The following THSD7B variants were observed in gnomAD, a reference collection of about 807,000 sequenced individuals.
THSD7B encodes the protein thrombospondin type 1 domain containing 7B.
A neutral mutation model predicts 213.6 loss-of-function variants in THSD7B; 138 were observed. The ratio of observed to expected loss-of-function variants is 0.65; its 90% confidence interval spans 0.56 to 0.74. THSD7B has a LOEUF of 0.74. Among genes scored for constraint, THSD7B ranks in the 30% least tolerant of loss-of-function variants. The probability of loss-of-function intolerance (pLI) is 0.00; values close to 1 mark genes in which losing one functional copy is unlikely to be tolerated. For missense variants in THSD7B, 1,931 were observed against 1,991.5 expected (o/e 0.97, Z 0.58); for synonymous variants, 742 against 687.0 (o/e 1.08, Z -1.25).
chr2:137,544,330 A>C (rs1194476423), intron 15 of THSD7B, among the ~76,000 whole-genome samples: 1 of 151,836 alleles, frequency 6.6e-6, no homozygotes, highest in Admixed American at 6.6e-5. Flanking sequence ...GCTAAATGAA[A>C]GTAGCCAAAA....
At chr2:137,305,227 A>G (rs2104852186) in intron 12 of THSD7B, among the ~76,000 whole-genome samples, 1 of 152,272 alleles carries the variant, frequency 6.6e-6, no homozygotes, top group Middle Eastern at 3.4e-3. Context: ...TCTTATGCCA[A>G]TCAGGCACTC....
chr2:137,569,416 A>G (rs1003958583), intron 16 of THSD7B, among the ~76,000 whole-genome samples: 6 of 152,180 alleles, frequency 3.9e-5, no homozygotes, highest in African/African-American at 1.4e-4. Flanking sequence ...TCTCTAGTCC[A>G]AAGACCCTTT....
intron 5 of THSD7B, among the ~76,000 whole-genome samples, chr2:137,144,371 TC>T (rs1679649974): frequency 6.6e-6 from 1 of 152,130 alleles, no homozygotes; most frequent in African/African-American, 2.4e-5. Flanking sequence ...AGAATTGAAT[TC>T]ATATAACCAC....
chr2:137,374,786 G>A (rs545861626), intron 12 of THSD7B, among the ~76,000 whole-genome samples: 33 of 152,280 alleles, frequency 2.2e-4, no homozygotes, highest in African/African-American at 7.7e-4. Flanking sequence ...ATGTGTTCAT[G>A]GAGTATTAGG....
At chr2:137,367,074 T>G (rs2104944481) in intron 12 of THSD7B, among the ~76,000 whole-genome samples, 1 of 152,190 alleles carries the variant, frequency 6.6e-6, no homozygotes, top group African/African-American at 2.4e-5. Flanking sequence ...AAATGAATGG[T>G]TGCTTTTTTT....
At chr2:137,189,678 G>C (rs1246932834) in intron 7 of THSD7B, among the ~76,000 whole-genome samples, 3 of 151,782 alleles carry the variant, frequency 2.0e-5, no homozygotes, top group African/African-American at 7.3e-5. Context: ...ACCATGCTCT[G>C]CATTGCATGT....
chr2:137,308,865 C>T (rs1222952308), intron 12 of THSD7B, among the ~76,000 whole-genome samples: 7 of 151,964 alleles, frequency 4.6e-5, no homozygotes, highest in Non-Finnish European at 8.8e-5. Context: ...TCTTAAAGTC[C>T]TTATTTATTG....
chr2:136,942,890 G>T (rs1338076351), intron 2 of THSD7B, among the ~76,000 whole-genome samples: 1 of 152,202 alleles, frequency 6.6e-6, no homozygotes, highest in Non-Finnish European at 1.5e-5. Flanking sequence ...ACACTGTGTT[G>T]AATAGGAGTG....
chr2:137,269,284 T>C (rs930865086), intron 10 of THSD7B, among the ~76,000 whole-genome samples: 3 of 152,356 alleles, frequency 2.0e-5, no homozygotes, highest in Non-Finnish European at 2.9e-5. Context: ...CTGTAGGGCA[T>C]GAAAATCAAT....
At chr2:137,312,292 G>A (rs192289587) in intron 12 of THSD7B, among the ~76,000 whole-genome samples, 22,941 of 151,988 alleles carry the variant, frequency 0.15, 2,057 homozygotes, top group Non-Finnish European at 0.2. Flanking sequence ...GTTTATTTGC[G>A]TAGAGGTGTT....
chr2:137,659,879 A>G lies in THSD7B; in HGVS notation c.4458+133A>G, dbSNP rs1039187276. On this transcript the variant is annotated intron_variant, in intron 25 of 27. Coordinates refer to ENST00000409968, the MANE Select transcript of THSD7B (RefSeq NM_001316349.2). ...CATGATACCATCTAGAGGCATTTGCAGGAGTAATCCCAGTTATAAAGAATT... is the reference window on the plus strand; with the variant it reads ...CATGATACCATCTAGAGGCATTTGCGGGAGTAATCCCAGTTATAAAGAATT... 4.4e-6 allele frequency: 3 copies of G among 679,728 alleles called. No individual in the cohort carries two copies. The African/African-American group carries it at 5.6e-5, about 13-fold the overall frequency. The allele number at this position is 679,728 out of a possible 1,614,324, so 42.1% of individuals were successfully genotyped here.
At chr2:137,136,965 G>T (rs754810655) in intron 5 of THSD7B, among the ~76,000 whole-genome samples, 1 of 152,168 alleles carries the variant, frequency 6.6e-6, no homozygotes, top group Non-Finnish European at 1.5e-5. Flanking sequence ...TTTCGCCAAT[G>T]TTCTCATCTT....
chr2:137,075,586 C>G (rs968008580), intron 3 of THSD7B, among the ~76,000 whole-genome samples: 1 of 152,194 alleles, frequency 6.6e-6, no homozygotes, highest in South Asian at 2.1e-4. Flanking sequence ...TCTCTCAACT[C>G]GTTAAAGTCA....
chr2:136,875,501 G>A (rs1346750608), intron 1 of THSD7B, among the ~76,000 whole-genome samples: 3 of 152,040 alleles, frequency 2.0e-5, no homozygotes, highest in African/African-American at 4.8e-5. Flanking sequence ...TTTTTTAGGA[G>A]TAAAAGTCCA....
chr2:137,646,899 G>T (rs1683043457), intron 21 of THSD7B, among the ~76,000 whole-genome samples: 1 of 152,092 alleles, frequency 6.6e-6, no homozygotes, highest in Non-Finnish European at 1.5e-5. Context: ...AGATTCTTTA[G>T]ATTTAAAGTT....
At chr2:136,829,394 G>T (rs903081844) in intron 1 of THSD7B, among the ~76,000 whole-genome samples, 1 of 152,056 alleles carries the variant, frequency 6.6e-6, no homozygotes, top group Non-Finnish European at 1.5e-5. Flanking sequence ...TAGAACCATT[G>T]ATTTGCATCC....
intron 12 of THSD7B, among the ~76,000 whole-genome samples, chr2:137,322,490 A>G (rs563398978): frequency 6.6e-6 from 1 of 152,270 alleles, no homozygotes; most frequent in South Asian, 2.1e-4. Flanking sequence ...TGAGGTGGGT[A>G]CTATTATCAC....
chr2:136,774,034 G>T (rs998352871), intron 1 of THSD7B, among the ~76,000 whole-genome samples: 2 of 151,938 alleles, frequency 1.3e-5, no homozygotes, highest in Non-Finnish European at 2.9e-5. Context: ...GGAAGAGGGG[G>T]CATGTCTGGC....
In THSD7B at chr2:136,903,958, GTGTGTGTGTGTGTGTT is replaced by G. The variant is rs1266483668; in HGVS notation, c.139+21645_139+21660del. On this transcript the variant is annotated intron_variant, in intron 2 of 27. Transcript: ENST00000409968. The stretch of plus-strand genomic sequence containing the variant: ...TGTGTGTGTGTGTGTGTGTGTGTGT[GTGTGTGTGTGTGTGTT>G]TGTTTGTTTCTGAGCTGGGCCGGCA... Among the ~76,000 whole-genome samples, 1,554 of 67,350 alleles carry G rather than the reference GTGTGTGTGTGTGTGTT, an allele frequency of 0.023. 38 individuals carry two copies. The East Asian group carries it at 0.4, about 17-fold the overall frequency. 44.2% of individuals were successfully genotyped at this position (67,350 alleles called of 152,430 possible). A position where few individuals can be genotyped will look rare whatever the true frequency, so the allele number is the denominator to read the frequency against.
Sources: allele counts gnomAD v4.1 joint callset (sites outside exome capture counted in the v4.1 genomes callset), GRCh38; gene constraint gnomAD v4.1.1; transcripts MANE v1.5; gene names NCBI Gene and HGNC (gene_info 2026-07-23, HGNC 2026-07-21).